Variants in TENM3 observed in about 807,000 individuals in gnomAD.
The protein encoded by TENM3 is teneurin transmembrane protein 3, also known as teneurin-3.
In TENM3, 63 loss-of-function variants were observed where a neutral mutation model predicts 255.1. That is an observed-to-expected ratio of 0.25 (90% CI 0.20 to 0.30). TENM3 has a LOEUF of 0.30. Ranked by LOEUF, TENM3 falls within the 10% of genes least tolerant of loss-of-function variation. The pLI is 1.00. For missense variants in TENM3, 2,929 were observed against 3,461.1 expected (o/e 0.85, Z 3.86); for synonymous variants, 1,306 against 1,322.3 (o/e 0.99, Z 0.27).
chr4:182,777,783 C>T (rs963637913), intron 24 of TENM3, among the ~76,000 whole-genome samples: 1 of 149,538 alleles, frequency 6.7e-6, no homozygotes, highest in Non-Finnish European at 1.5e-5. Context: ...GTCTTGAACT[C>T]GGGACCTCAA....
the TENM3 span, among the ~76,000 whole-genome samples, chr4:181,578,895 C>T: frequency 6.6e-6 from 1 of 152,234 alleles, no homozygotes; most frequent in South Asian, 2.1e-4. Context: ...GTACTAGGGG[C>T]TAGAATTTCA....
intron 3 of TENM3, among the ~76,000 whole-genome samples, chr4:182,402,643 A>T (rs915471746): frequency 1.3e-5 from 2 of 152,128 alleles, no homozygotes; most frequent in African/African-American, 4.8e-5. Context: ...TTCGGTTTTC[A>T]TTGGAATTTT....
chr4:182,483,305 G>T (rs548065619), intron 3 of TENM3, among the ~76,000 whole-genome samples: 1 of 152,206 alleles, frequency 6.6e-6, no homozygotes, highest in East Asian at 1.9e-4. Context: ...GTGTGTTTAT[G>T]TTTATGTAAC....
intron 1 of TENM3, among the ~76,000 whole-genome samples, chr4:182,216,619 A>G (rs956174695): frequency 2.0e-5 from 3 of 152,242 alleles, no homozygotes; most frequent in Admixed American, 2.0e-4. Context: ...AGTCTTTGGA[A>G]GCAAGCAATA....
rs192412235 is a variant in TENM3 at position 182,202,566 on chromosome 4, A to C, written c.-76+57812A>C. Among the ~76,000 whole-genome samples, 950 of 152,076 alleles carry C rather than the reference A, an allele frequency of 6.2e-3. 8 individuals are homozygous for C. The highest frequency in any genetic ancestry group is 0.021 in the African/African-American group (890 of 41,490). Reference sequence around the variant, plus strand: ...GTCATCCACCTGCCTCGGCCTCCCAAAGTGCTGGGATTACAGTTGTGAGCC... The same window carrying C: ...GTCATCCACCTGCCTCGGCCTCCCACAGTGCTGGGATTACAGTTGTGAGCC... On this transcript the variant is annotated intron_variant, in intron 1 of 2. Transcript: ENST00000512480.
rs540341849 is a variant in TENM3, at chr4:182,487,842, T to G, written c.512-113082T>G. On this transcript the variant is annotated intron_variant, in intron 3 of 27. Transcript: ENST00000511685. ...GTCCAGTGGGTGAACATAGTACGTA[T>G]CTCATAAATATTTATTAAATGCAGT... Among the ~76,000 whole-genome samples, 3 of 152,292 alleles carry G rather than the reference T, an allele frequency of 2.0e-5. No homozygotes were observed. In the South Asian group the frequency reaches 6.2e-4, roughly 32 times the overall value.
At chr4:182,300,338 A>G (rs2871298) in intron 1 of TENM3, among the ~76,000 whole-genome samples, 35,483 of 152,160 alleles carry the variant, frequency 0.23, 4,685 homozygotes, top group African/African-American at 0.36. Flanking sequence ...TCTGCTGAAC[A>G]TGACAATTGG....
the TENM3 span, among the ~76,000 whole-genome samples, chr4:181,452,810 G>T: frequency 6.6e-6 from 1 of 152,160 alleles, no homozygotes; most frequent in Non-Finnish European, 1.5e-5. Flanking sequence ...AAAGCAAAGA[G>T]GAAAGCATAG....
chr4:182,378,819 G>C (rs111900531), intron 3 of TENM3, among the ~76,000 whole-genome samples: 2 of 152,138 alleles, frequency 1.3e-5, no homozygotes, highest in Admixed American at 1.3e-4. Flanking sequence ...TTTGAACAGG[G>C]AGAGACATGA....
At chr4:182,473,428 C>G (rs1265431358) in intron 3 of TENM3, among the ~76,000 whole-genome samples, 2 of 152,176 alleles carry the variant, frequency 1.3e-5, no homozygotes, top group Non-Finnish European at 2.9e-5. Flanking sequence ...AATCCCAGCA[C>G]TTTGGGAGGC....
At chr4:182,001,482 C>T in the TENM3 span, among the ~76,000 whole-genome samples, 1 of 152,084 alleles carries the variant, frequency 6.6e-6, no homozygotes, top group African/African-American at 2.4e-5. Flanking sequence ...TGTTACTGTT[C>T]GGTAACTAAC....
At chr4:181,653,045 G>T in the TENM3 span, among the ~76,000 whole-genome samples, 1 of 152,078 alleles carries the variant, frequency 6.6e-6, no homozygotes, top group South Asian at 2.1e-4. Flanking sequence ...CAAAAAATCG[G>T]CAGCTGACAT....
the TENM3 span, among the ~76,000 whole-genome samples, chr4:181,652,632 G>A: frequency 6.6e-6 from 1 of 152,306 alleles, no homozygotes; most frequent in South Asian, 2.1e-4. Flanking sequence ...TCCTGACTGT[G>A]TCCAGTGATT....
intron 1 of TENM3, among the ~76,000 whole-genome samples, chr4:182,214,553 C>T (rs190603310): frequency 2.1e-4 from 29 of 138,546 alleles, no homozygotes; most frequent in Non-Finnish European, 3.2e-4. Context: ...TTTTTAGGGA[C>T]GGGGGTCTTG....
chr4:182,386,551 A>G (rs1409650874), intron 3 of TENM3, among the ~76,000 whole-genome samples: 1 of 152,046 alleles, frequency 6.6e-6, no homozygotes, highest in African/African-American at 2.4e-5. Flanking sequence ...GCTTGCAGGG[A>G]GGTGTGGAGG....
At chr4:181,510,539 T>TA in the TENM3 span, among the ~76,000 whole-genome samples, 1 of 151,350 alleles carries the variant, frequency 6.6e-6, no homozygotes, top group South Asian at 2.1e-4. Flanking sequence ...AATTACTCAA[T>TA]AAAAAACATG....
intron 16 of TENM3, among the ~76,000 whole-genome samples, chr4:182,735,694 G>A (rs1761109477): frequency 6.6e-6 from 1 of 152,198 alleles, no homozygotes; most frequent in South Asian, 2.1e-4. Context: ...CTTGAACACA[G>A]ATAGCCTTGC....
At chr4:182,163,110 C>G (rs566180935) in intron 1 of TENM3, among the ~76,000 whole-genome samples, 1 of 152,270 alleles carries the variant, frequency 6.6e-6, no homozygotes, top group South Asian at 2.1e-4. Context: ...TTACGTCCTG[C>G]TCATTCTTAT....
chr4:181,667,198 A>G, the TENM3 span, among the ~76,000 whole-genome samples: 605 of 152,240 alleles, frequency 4.0e-3, 1 homozygote, highest in Non-Finnish European at 5.8e-3. Context: ...CTGTGCCCTC[A>G]TCAGGACATC....
Sources: allele counts gnomAD v4.1 joint callset (sites outside exome capture counted in the v4.1 genomes callset), GRCh38; gene constraint gnomAD v4.1.1; transcripts MANE v1.5; gene names NCBI Gene and HGNC (gene_info 2026-07-23, HGNC 2026-07-21).